Variants in TSGA10 observed in about 807,000 individuals in gnomAD.
TSGA10 encodes testis-specific gene 10 protein.
Under a neutral mutation model 96.6 loss-of-function variants are expected in TSGA10, and 43 were observed. The observed-to-expected ratio is 0.44, with a 90% CI of 0.35 to 0.57. The LOEUF is 0.57. Among genes scored for constraint, TSGA10 ranks in the 20% least tolerant of loss-of-function variants. TSGA10 has a pLI of 0.01. For synonymous variants in TSGA10, 229 were observed against 269.9 expected (o/e 0.85, Z 1.48); for missense variants, 703 against 834.4 (o/e 0.84, Z 1.94).
At chr2:99,080,467 C>T (rs965751352) in intron 11 of TSGA10, among the ~76,000 whole-genome samples, 5 of 152,100 alleles carry the variant, frequency 3.3e-5, no homozygotes, top group Non-Finnish European at 5.9e-5. Flanking sequence ...TTTAAAATAT[C>T]ATTTATATGC....
At chr2:99,112,235 T>A (rs1017391815) in intron 4 of TSGA10, among the ~76,000 whole-genome samples, 2 of 152,038 alleles carry the variant, frequency 1.3e-5, no homozygotes, top group East Asian at 3.9e-4. Context: ...AAGGTAAAAA[T>A]CTCTGCCCTC....
chr2:99,138,067 T>C (rs959316828), intron 1 of TSGA10, among the ~76,000 whole-genome samples: 1 of 152,196 alleles, frequency 6.6e-6, no homozygotes, highest in African/African-American at 2.4e-5. Flanking sequence ...TCTCCAGAAC[T>C]GTAAGAATTA....
chr2:99,020,897 TTATA>T (rs1336479423), intron 17 of TSGA10, among the ~76,000 whole-genome samples: 2 of 150,852 alleles, frequency 1.3e-5, no homozygotes, highest in Non-Finnish European at 3.0e-5. Flanking sequence ...TCTTATATTC[TTATA>T]TAAAGAGTAA....
intron 16 of TSGA10, among the ~76,000 whole-genome samples, chr2:99,059,401 G>A (rs964081831): frequency 6.6e-6 from 1 of 151,798 alleles, no homozygotes; most frequent in Non-Finnish European, 1.5e-5. Context: ...TTCGGAAGCC[G>A]ACGTGGGCAG....
At chr2:99,102,286 A>T (rs1410338674) in intron 10 of TSGA10, 3 of 1,611,584 alleles carry the variant, frequency 1.9e-6, no homozygotes, top group Non-Finnish European at 2.5e-6. Flanking sequence ...GGAGATGTGG[A>T]GGGCAGTCAG....
chr2:99,027,137 G>A (rs1444992010), intron 17 of TSGA10, among the ~76,000 whole-genome samples: 2 of 152,212 alleles, frequency 1.3e-5, no homozygotes, highest in Non-Finnish European at 2.9e-5. Context: ...TGTGCGGCTA[G>A]GACTGGTACC....
intron 10 of TSGA10, among the ~76,000 whole-genome samples, chr2:99,100,956 G>GA (rs561618635): frequency 0.01 from 1,225 of 119,328 alleles, 8 homozygotes; most frequent in African/African-American, 0.012. Flanking sequence ...TAGGCTGGGT[G>GA]AAAAAAAAAA....
chr2:99,002,998 A>G (rs2078079329), intron 20 of TSGA10, among the ~76,000 whole-genome samples: 1 of 152,108 alleles, frequency 6.6e-6, no homozygotes, highest in Non-Finnish European at 1.5e-5. Flanking sequence ...AGCTGAGATT[A>G]TAGGCAAGTG....
At chr2:99,010,424 T>C (rs900781947) in intron 20 of TSGA10, among the ~76,000 whole-genome samples, 4 of 152,198 alleles carry the variant, frequency 2.6e-5, no homozygotes, top group African/African-American at 7.2e-5. Context: ...GTTCCCAAAG[T>C]GTGAGAGGGA....
intron 16 of TSGA10, among the ~76,000 whole-genome samples, chr2:99,061,610 A>G (rs1236710423): frequency 1.3e-5 from 2 of 152,212 alleles, no homozygotes; most frequent in African/African-American, 2.4e-5. Flanking sequence ...AAGCATACTT[A>G]CCATATAATC....
At chr2:99,102,820 A>T in intron 10 of TSGA10, 1 of 1,236,798 alleles carries the variant, frequency 8.1e-7, no homozygotes, top group Non-Finnish European at 1.2e-6. Flanking sequence ...CAGAACTGTA[A>T]ATATAAACCT....
At position 99,118,011 on chromosome 2, in the gene TSGA10, A is replaced by T. The variant is rs79653690; in HGVS notation, c.-355-252T>A. Among the ~76,000 whole-genome samples the T allele has an allele frequency of 3.0e-3, 463 of 152,280 alleles. 6 individuals carry two copies. The highest frequency in any genetic ancestry group is 0.027 in the East Asian group (141 of 5,188). Reference sequence around the variant, plus strand: ...TTATAGTTTATTTTAAAAAGAACTTAATTACTATTGATTTTTAGCCAATCT... The same window carrying T: ...TTATAGTTTATTTTAAAAAGAACTTTATTACTATTGATTTTTAGCCAATCT... On this transcript the variant is annotated intron_variant, in intron 3 of 20. Transcript: ENST00000393483.
chr2:99,029,602 A>G (rs2080955553), intron 17 of TSGA10, among the ~76,000 whole-genome samples: 1 of 152,218 alleles, frequency 6.6e-6, no homozygotes, highest in African/African-American at 2.4e-5. Flanking sequence ...ATTCAAAAAC[A>G]ATTAATGTGA....
chr2:99,133,401 C>G (rs988348304), intron 1 of TSGA10, among the ~76,000 whole-genome samples: 17 of 152,040 alleles, frequency 1.1e-4, no homozygotes, highest in African/African-American at 4.1e-4. Context: ...GAGACTAGAA[C>G]TGCAACCCCT....
In TSGA10 at chr2:99,078,658, C is replaced by T; in HGVS notation, c.882+1G>A. 6.2e-7 allele frequency: 1 copy of T among 1,611,196 alleles called. No homozygotes were observed. Among genetic ancestry groups the T allele is most frequent in the Non-Finnish European group, 8.5e-7 (1 of 1,179,114 alleles). On this transcript the variant is annotated splice_donor_variant, in intron 12 of 20. Transcript: ENST00000393483. LOFTEE classifies it high-confidence loss of function. ...TATAAACCACAGTTCTCAGAACATA[C>T]TTTCATTGCCAAACTCTCTCCAAGG...
At chr2:99,141,037 C>A in intron 1 of TSGA10, 12 of 1,237,162 alleles carry the variant, frequency 9.7e-6, no homozygotes, top group Non-Finnish European at 1.3e-5. Flanking sequence ...ACCTTCCAGT[C>A]CAGTAGCAGC....
intron 1 of TSGA10, among the ~76,000 whole-genome samples, chr2:99,130,097 A>T (rs1312255003): frequency 6.6e-6 from 1 of 152,192 alleles, no homozygotes; most frequent in Non-Finnish European, 1.5e-5. Context: ...CAATAAACAT[A>T]CATGTGAATA....
intron 1 of TSGA10, chr2:99,148,172 C>G (rs2093651481): frequency 1.3e-5 from 2 of 152,156 alleles, no homozygotes; most frequent in Admixed American, 6.6e-5. Flanking sequence ...GAAGATACTT[C>G]TGTTTGGGTT....
intron 10 of TSGA10, chr2:99,102,487 C>T: frequency 6.2e-7 from 1 of 1,613,614 alleles, no homozygotes; most frequent in Non-Finnish European, 8.5e-7. Flanking sequence ...CTGATTTTTG[C>T]CATTCAGAAA....
Sources: allele counts gnomAD v4.1 joint callset (sites outside exome capture counted in the v4.1 genomes callset), GRCh38; gene constraint gnomAD v4.1.1; transcripts MANE v1.5; gene names NCBI Gene and HGNC (gene_info 2026-07-23, HGNC 2026-07-21).